RALGPS2: variants seen among roughly 807,000 people sequenced by gnomAD.
RALGPS2 encodes Ral GEF with PH domain and SH3 binding motif 2.
In RALGPS2, 43 loss-of-function variants were observed where a neutral mutation model predicts 86.8. The observed-to-expected ratio is 0.50, with a 90% CI of 0.39 to 0.64. RALGPS2 has a LOEUF of 0.64. RALGPS2 is among the 30% of genes least tolerant of loss of function. The probability of loss-of-function intolerance (pLI) is 0.00; values close to 1 mark genes in which losing one functional copy is unlikely to be tolerated. For synonymous variants in RALGPS2, 243 were observed against 231.3 expected (o/e 1.05, Z -0.46); for missense variants, 536 against 694.6 (o/e 0.77, Z 2.57).
chr1:178,753,796 G>T (rs1055266018), intron 1 of RALGPS2: 4 of 151,910 alleles, frequency 2.6e-5, no homozygotes, highest in African/African-American at 9.7e-5. Flanking sequence ...TCTATTGGAT[G>T]TGTAGCTTTG....
chr1:178,829,287 A>G (rs1008051334), intron 7 of RALGPS2, among the ~76,000 whole-genome samples: 4 of 152,196 alleles, frequency 2.6e-5, no homozygotes, highest in Admixed American at 2.0e-4. Flanking sequence ...AGTTTCAGTT[A>G]TGTAGAACAG....
At chr1:178,770,969 G>A (rs776122969) in intron 1 of RALGPS2, among the ~76,000 whole-genome samples, 3 of 150,720 alleles carry the variant, frequency 2.0e-5, no homozygotes, top group Non-Finnish European at 4.4e-5. Context: ...CTCTCTAGTC[G>A]CTGGGATTAC....
intron 7 of RALGPS2, among the ~76,000 whole-genome samples, chr1:178,828,089 A>G (rs113428105): frequency 0.041 from 6,249 of 152,332 alleles, 173 homozygotes; most frequent in African/African-American, 0.073. Flanking sequence ...CAAAAGTACA[A>G]GCAACGAAAG....
At chr1:178,817,903 A>G (rs1655313109) in intron 6 of RALGPS2, among the ~76,000 whole-genome samples, 1 of 152,222 alleles carries the variant, frequency 6.6e-6, no homozygotes, top group African/African-American at 2.4e-5. Context: ...TTGGTGCTAC[A>G]TATGCAGTCG....
At chr1:178,792,810 A>G (rs929747869) in intron 4 of RALGPS2, among the ~76,000 whole-genome samples, 2 of 152,194 alleles carry the variant, frequency 1.3e-5, no homozygotes, top group African/African-American at 4.8e-5. Flanking sequence ...ATACAATAAC[A>G]TGGTTGTAAC....
At chr1:178,856,491 G>A (rs1572409647) in intron 8 of RALGPS2, among the ~76,000 whole-genome samples, 1 of 134,956 alleles carries the variant, frequency 7.4e-6, no homozygotes, top group East Asian at 2.2e-4. Flanking sequence ...GTGAACTCCA[G>A]GTCTCAAGTC....
intron 7 of RALGPS2, among the ~76,000 whole-genome samples, chr1:178,825,149 G>A (rs1248648882): frequency 6.6e-6 from 1 of 152,150 alleles, no homozygotes; most frequent in Non-Finnish European, 1.5e-5. Flanking sequence ...CCAGTCAGCA[G>A]AGTTATGTAT....
intron 17 of RALGPS2, among the ~76,000 whole-genome samples, chr1:178,899,061 A>G (rs1473223729): frequency 6.6e-6 from 1 of 151,924 alleles, no homozygotes. Context: ...CTATTGTAGA[A>G]AAGTCATTAT....
intron 4 of RALGPS2, among the ~76,000 whole-genome samples, chr1:178,800,884 C>T (rs554377767): frequency 6.6e-6 from 1 of 151,824 alleles, no homozygotes; most frequent in African/African-American, 2.4e-5. Flanking sequence ...GGCTGTGAAT[C>T]ACCTATAAAC....
intron 7 of RALGPS2, among the ~76,000 whole-genome samples, chr1:178,826,973 A>C (rs931040114): frequency 2.0e-5 from 3 of 152,222 alleles, no homozygotes; most frequent in Non-Finnish European, 4.4e-5. Flanking sequence ...TTGAAACTGT[A>C]AAATAAACTG....
chr1:178,851,247 A>T lies in RALGPS2; in HGVS notation c.607+17697A>T, dbSNP rs1252584733. 1.9e-6 allele frequency: 3 copies of T among 1,613,688 alleles called. No individual in the cohort carries two copies. In the Admixed American group the frequency reaches 5.0e-5, roughly 27 times the overall value. ...TCTGTAATGGCCTCCTCTGTACCATACTCCATTTAGGTTAGAATGTGCACA... is the reference window on the plus strand; with the variant it reads ...TCTGTAATGGCCTCCTCTGTACCATTCTCCATTTAGGTTAGAATGTGCACA... On this transcript the variant is annotated intron_variant, in intron 8 of 19. Transcript: ENST00000367635.
chr1:178,900,333 A>C (rs897313748), intron 17 of RALGPS2, among the ~76,000 whole-genome samples: 4 of 151,914 alleles, frequency 2.6e-5, no homozygotes, highest in Non-Finnish European at 5.9e-5. Context: ...AGAGTGATCA[A>C]CCTCACTTAC....
chr1:178,743,152 G>A (rs1415578608), intron 1 of RALGPS2, among the ~76,000 whole-genome samples: 3 of 152,234 alleles, frequency 2.0e-5, no homozygotes, highest in African/African-American at 7.2e-5. Context: ...TTTGAGGCCA[G>A]TGAGCTATGA....
intron 2 of RALGPS2, among the ~76,000 whole-genome samples, chr1:178,779,767 C>T (rs549452771): frequency 3.9e-5 from 6 of 152,266 alleles, no homozygotes; most frequent in East Asian, 1.9e-4. Flanking sequence ...GAGTTTTGTT[C>T]TTGTTGCCCA....
At chr1:178,734,446 A>G (rs1034113511) in intron 1 of RALGPS2, among the ~76,000 whole-genome samples, 2 of 152,234 alleles carry the variant, frequency 1.3e-5, no homozygotes, top group African/African-American at 4.8e-5. Flanking sequence ...TCTTTCTGAG[A>G]TGATGAAAAT....
At chr1:178,821,055 A>C (rs953243501) in intron 6 of RALGPS2, among the ~76,000 whole-genome samples, 2 of 152,214 alleles carry the variant, frequency 1.3e-5, no homozygotes, top group African/African-American at 2.4e-5. Context: ...AGTTTTATGC[A>C]TACAGACTGT....
intron 19 of RALGPS2, among the ~76,000 whole-genome samples, chr1:178,909,643 A>ATTTTTTTTTTTTTTTTTTT (rs57890269): frequency 3.9e-4 from 28 of 72,374 alleles, no homozygotes; most frequent in East Asian, 7.4e-4. Flanking sequence ...TTCTTTTTTA[A>ATTTTTTTTTTTTTTTTTTT]TTTTTTTTTT....
At chr1:178,741,928 G>A (rs1651051573) in intron 1 of RALGPS2, among the ~76,000 whole-genome samples, 1 of 151,962 alleles carries the variant, frequency 6.6e-6, no homozygotes, top group Admixed American at 6.6e-5. Context: ...ATGAGGTCAG[G>A]AGATCGAGAC....
intron 8 of RALGPS2, among the ~76,000 whole-genome samples, chr1:178,833,898 T>A (rs1656144840): frequency 6.6e-6 from 1 of 152,202 alleles, no homozygotes; most frequent in African/African-American, 2.4e-5. Context: ...AAAGTCCTTA[T>A]ATAGTGAGGA....
Sources: gnomAD v4.1 joint callset for allele counts (sites outside exome capture counted in the v4.1 genomes callset) on GRCh38, gnomAD v4.1.1 for gene constraint, MANE v1.5 for transcripts, NCBI Gene and HGNC (gene_info 2026-07-23, HGNC 2026-07-21) for gene names.